ZNF626: variants seen among roughly 807,000 people sequenced by gnomAD.
The protein encoded by ZNF626 is zinc finger protein 626.
A neutral mutation model predicts 11.7 loss-of-function variants in ZNF626; 4 were observed. The observed-to-expected ratio is 0.34, with a 90% confidence interval of 0.17 to 0.78. The LOEUF is 0.78. Among genes scored for constraint, ZNF626 ranks in the 30% least tolerant of loss-of-function variants. The probability of loss-of-function intolerance (pLI) is 0.57; values close to 1 mark genes in which losing one functional copy is unlikely to be tolerated. For synonymous variants in ZNF626, 179 were observed against 198.6 expected (o/e 0.90, Z 0.83); for missense variants, 588 against 587.1 (o/e 1.00, Z -0.01).
chr19:20,646,248 A>G (rs1970075673), intron 2 of ZNF626, 31 bp downstream of exon 2: 1 of 1,564,318 alleles, frequency 6.4e-7, no homozygotes, highest in African/African-American at 1.4e-5. Context: ...TAAAATCTAT[A>G]GGGTATATTA....
intron 3 of ZNF626, among the ~76,000 whole-genome samples, chr19:20,638,478 T>C (rs1048044799): frequency 1.1e-4 from 16 of 146,446 alleles, no homozygotes; most frequent in African/African-American, 2.0e-4. Context: ...GAAAAAGAAA[T>C]AGAAAGCCTG....
chr19:20,641,671 A>G (rs1970025836), intron 3 of ZNF626, among the ~76,000 whole-genome samples: 2 of 152,100 alleles, frequency 1.3e-5, no homozygotes, highest in East Asian at 1.9e-4. Flanking sequence ...CTCCAGCTCA[A>G]TCTCCCATGT....
chr19:20,657,160 A>C (rs1555773204), intron 1 of ZNF626, among the ~76,000 whole-genome samples: 1 of 152,062 alleles, frequency 6.6e-6, no homozygotes, highest in Non-Finnish European at 1.5e-5. Flanking sequence ...GCCTGAGCTT[A>C]GAAGTTTGAG....
chr19:20,647,490 T>TTTTG (rs1312114369), intron 1 of ZNF626, among the ~76,000 whole-genome samples: 2 of 119,792 alleles, frequency 1.7e-5, no homozygotes, highest in African/African-American at 1.3e-4. Context: ...AATGGTTTTT[T>TTTTG]TTTTTTTTTT....
chr19:20,647,491 T>G (rs958665940), intron 1 of ZNF626, among the ~76,000 whole-genome samples: 2 of 120,746 alleles, frequency 1.7e-5, no homozygotes, highest in Non-Finnish European at 3.1e-5. Flanking sequence ...ATGGTTTTTT[T>G]TTTTTTTTTT....
rs1169976960 is a variant in ZNF626, at chr19:20,641,853, T to C, written c.226+3831A>G. Among the ~76,000 whole-genome samples the C allele has an allele frequency of 2.6e-5, 4 of 151,984 alleles. 1 individual carries two copies. Among genetic ancestry groups the C allele is most frequent in the African/African-American group, 9.7e-5 (4 of 41,434 alleles). On this transcript the variant is annotated intron_variant, in intron 3 of 3. Transcript: ENST00000601440. ...TACAGAAGAGAGCCACAACCATGCC[T>C]GGCCCTGAAATATACACTTCAATAA... is the stretch of plus-strand genomic sequence containing the variant.
chr19:20,638,947 TGA>T (rs1252848450), intron 3 of ZNF626, among the ~76,000 whole-genome samples: 1 of 152,138 alleles, frequency 6.6e-6, no homozygotes, highest in East Asian at 1.9e-4. Flanking sequence ...GAGGAATAAT[TGA>T]GAGTACGTTA....
intron 1 of ZNF626, among the ~76,000 whole-genome samples, chr19:20,649,980 T>C (rs782315469): frequency 6.6e-6 from 1 of 152,166 alleles, no homozygotes; most frequent in Non-Finnish European, 1.5e-5. Context: ...TTCTTTAAAG[T>C]TTACAGAAAA....
In ZNF626 at chr19:20,623,187, T is replaced by G. The variant is rs1329016208; in HGVS notation, c.*1103A>C. 1 of 152,238 alleles carries G rather than the reference T, an allele frequency of 6.6e-6. No homozygotes were observed. Among genetic ancestry groups the G allele is most frequent in the Non-Finnish European group, 1.5e-5 (1 of 68,056 alleles). 9.4% of individuals were successfully genotyped at this position (152,238 alleles called of 1,614,324 possible). A position where few individuals can be genotyped will look rare whatever the true frequency, so the allele number is the denominator to read the frequency against. On this transcript the variant is annotated 3_prime_UTR_variant, in exon 4 of 4. Coordinates refer to ENST00000601440, the MANE Select transcript of ZNF626 (RefSeq NM_001076675.3). ...TGTTGAGTAAGATGTGAGTAGGCAT[T>G]AATGGGTTTTCCATATTCTTTATAT...
At chr19:20,649,113 CT>C (rs1273644473) in intron 1 of ZNF626, among the ~76,000 whole-genome samples, 5 of 152,000 alleles carry the variant, frequency 3.3e-5, no homozygotes, top group Non-Finnish European at 5.9e-5. Context: ...AGAAAAGCCA[CT>C]TTTTTTTCTT....
At chr19:20,645,160 TAAC>T in intron 3 of ZNF626, 2 of 938,284 alleles carry the variant, frequency 2.1e-6, no homozygotes, top group Non-Finnish European at 2.7e-6. Flanking sequence ...ATGAGGAAAA[TAAC>T]AAAGAGGAAG....
At chr19:20,648,104 AGGTGAAGGTTGT>A (rs1555772135) in intron 1 of ZNF626, among the ~76,000 whole-genome samples, 1 of 146,918 alleles carries the variant, frequency 6.8e-6, no homozygotes, top group African/African-American at 2.5e-5. Flanking sequence ...TGAACCTGGG[AGGTGAAGGTTGT>A]GGTGAGCCGA....
chr19:20,645,845 C>G (rs567323798), intron 2 of ZNF626, 66 bp from the exon 3 acceptor site: 2 of 1,222,776 alleles, frequency 1.6e-6, no homozygotes, highest in Admixed American at 2.3e-5. Context: ...TAGTAATGTG[C>G]TCAGCACAGA....
Position 20,623,800 on chromosome 19 carries a change from C to CA in ZNF626, c.*489dup, listed in dbSNP as rs58402205. On this transcript the variant is annotated 3_prime_UTR_variant, in exon 4 of 4. Coordinates refer to ENST00000601440, the MANE Select transcript of ZNF626 (RefSeq NM_001076675.3). ...GGTGACAAGAGTTGAAACTCCATCT[C>CA]AAAAAAAAAAAAAAAAAGACAGAAC... 0.15 allele frequency: 30,128 copies of CA among 198,846 alleles called. 1,994 individuals are homozygous for CA. Among genetic ancestry groups the CA allele is most frequent in the African/African-American group, 0.18 (6,060 of 34,540 alleles). The allele number at this position is 198,846 out of a possible 1,614,324, so 12.3% of individuals were successfully genotyped here.
chr19:20,627,556 A>T (rs1345333605), intron 3 of ZNF626, among the ~76,000 whole-genome samples: 2 of 152,108 alleles, frequency 1.3e-5, no homozygotes, highest in Non-Finnish European at 2.9e-5. Context: ...AATAAAACAA[A>T]TAATAAAATA....
intron 3 of ZNF626, chr19:20,645,444 GCT>G (rs1555771809): frequency 1.2e-6 from 2 of 1,611,594 alleles, no homozygotes; most frequent in Non-Finnish European, 1.7e-6. Flanking sequence ...CTTGAAGGAA[GCT>G]CACTGAAAGA....
At chr19:20,646,920 T>C (rs1555771972) in intron 1 of ZNF626, among the ~76,000 whole-genome samples, 2 of 152,138 alleles carry the variant, frequency 1.3e-5, no homozygotes, top group African/African-American at 4.8e-5. Context: ...CCATCTCAGC[T>C]CACCGCCACC....
In ZNF626 at chr19:20,645,313, G is replaced by C. The variant is rs150532422; in HGVS notation, c.226+371C>G. 5.6e-4 allele frequency: 865 copies of C among 1,548,838 alleles called. 11 individuals carry two copies. In the African/African-American group the frequency reaches 0.011, roughly 19 times the overall value. ...TCAGATCTGATGCAAAGAGAACTTT[G>C]AGAGTAATTTTAGTTTCTCAAAATC... is the stretch of plus-strand genomic sequence containing the variant. On this transcript the variant is annotated intron_variant, in intron 3 of 3. Transcript: ENST00000601440.
intron 3 of ZNF626, among the ~76,000 whole-genome samples, chr19:20,629,148 G>A: frequency 6.6e-6 from 1 of 152,112 alleles, no homozygotes; most frequent in South Asian, 2.1e-4. Flanking sequence ...CTATATCTCT[G>A]GTTTGGTACC....
Sources: gnomAD v4.1 joint callset for allele counts (sites outside exome capture counted in the v4.1 genomes callset) on GRCh38, gnomAD v4.1.1 for gene constraint, MANE v1.5 for transcripts, NCBI Gene and HGNC (gene_info 2026-07-23, HGNC 2026-07-21) for gene names.